SMURF2: variants seen among roughly 807,000 people sequenced by gnomAD.
SMURF2 encodes SMAD specific E3 ubiquitin protein ligase 2, also known as E3 ubiquitin-protein ligase SMURF2.
Under a neutral mutation model 109.6 loss-of-function variants are expected in SMURF2, and 48 were observed. The observed-to-expected ratio is 0.44, with a 90% CI of 0.35 to 0.56. SMURF2 has a LOEUF of 0.56. Ranked by LOEUF, SMURF2 falls within the 20% of genes least tolerant of loss-of-function variation. The pLI is 0.01. For synonymous variants in SMURF2, 288 were observed against 317.1 expected (o/e 0.91, Z 0.97); for missense variants, 575 against 909.0 (o/e 0.63, Z 4.72).
At position 64,542,967 on chromosome 17, in the gene SMURF2, T is replaced by C. The variant is rs1555682742; in HGVS notation, c.*2881A>G. 6.6e-6 allele frequency: 1 copy of C among 152,136 alleles called. No individual in the cohort carries two copies. The highest frequency in any genetic ancestry group is 2.4e-5 in the African/African-American group (1 of 41,424). 9.4% of individuals were successfully genotyped at this position (152,136 alleles called of 1,614,324 possible). Reference sequence around the variant, plus strand: ...ACCTCTCTGTACTGCCTATGAGCTCTACAAAGGAATCTCTGTTCATAACTA... The same window carrying C: ...ACCTCTCTGTACTGCCTATGAGCTCCACAAAGGAATCTCTGTTCATAACTA... On this transcript the variant is annotated 3_prime_UTR_variant, in exon 19 of 19. Coordinates refer to ENST00000262435, the MANE Select transcript of SMURF2 (RefSeq NM_022739.4).
At chr17:64,647,178 A>T (rs2144728906) in intron 1 of SMURF2, among the ~76,000 whole-genome samples, 1 of 152,310 alleles carries the variant, frequency 6.6e-6, no homozygotes, top group South Asian at 2.1e-4. Flanking sequence ...CTGAATGAAT[A>T]TGTAAATATG....
At chr17:64,617,647 T>G (rs553931112) in intron 1 of SMURF2, among the ~76,000 whole-genome samples, 44 of 152,132 alleles carry the variant, frequency 2.9e-4, no homozygotes, top group Admixed American at 2.1e-3. Context: ...CACCATGCCT[T>G]GCTAATGTCT....
rs1969573117 is a variant in SMURF2, at chr17:64,581,062, T to C, written c.570-71A>G. ...AAAGTAGAGTTCTCTAGACAATATA[T>C]ATATACTGCAGTAACAACCACTTAT... On this transcript the variant is annotated intron_variant, in intron 7 of 18. Coordinates refer to ENST00000262435, the MANE Select transcript of SMURF2 (RefSeq NM_022739.4). This position sits in a 1 kb window ranked among gnomAD's most constrained non-coding sequence, Gnocchi z 4.3. The C allele has an allele frequency of 2.2e-6, 3 of 1,339,744 alleles. No homozygotes were observed. The highest frequency in any genetic ancestry group is 3.2e-6 in the Non-Finnish European group (3 of 941,144). 83.0% of individuals were successfully genotyped at this position (1,339,744 alleles called of 1,614,324 possible).
chr17:64,583,491 G>A lies in SMURF2; in HGVS notation c.539C>T (p.Thr180Ile), dbSNP rs782614387. ...SGRIQYLNHI[T>I]RTTQWERPTR... The stretch of plus-strand genomic sequence containing the variant: ...TGGGCGCTCCCATTGCGTAGTTCTT[G>A]TTATATGGTTTAGATACTGGATTCT... The change falls in exon 7 of 19, where the codon ACA becomes ATA. Residue 180 changes from threonine (T) to isoleucine (I), a missense_variant. By Grantham distance (89) the Thr-to-Ile change is moderately conservative. This residue lies in a region of SMURF2 where 151 missense variants were observed against 178.4 expected (regional missense o/e 0.85). Transcript: ENST00000262435. The A allele has an allele frequency of 6.2e-7, 1 of 1,614,002 alleles. No individual in the cohort carries two copies. Among genetic ancestry groups the A allele is most frequent in the South Asian group, 1.1e-5 (1 of 91,072 alleles).
chr17:64,554,419 G>C (rs75687632), intron 15 of SMURF2, among the ~76,000 whole-genome samples: 7,499 of 152,224 alleles, frequency 0.049, 290 homozygotes, highest in Admixed American at 0.13. Context: ...AGTGGCTATG[G>C]GGGGAGGGAG....
At position 64,545,730 on chromosome 17, in the gene SMURF2, AAAAGGG is replaced by A; in HGVS notation, c.*112_*117del. ...GTCCTAAAATGTAAAAAAAAAAAAAAAAAGGGGGGGGGGGGGAGTGTTTTCCTGTAT... is the reference window on the plus strand; with the variant it reads ...GTCCTAAAATGTAAAAAAAAAAAAAAGGGGGGGGGGAGTGTTTTCCTGTAT... On this transcript the variant is annotated 3_prime_UTR_variant, in exon 19 of 19. Transcript: ENST00000262435. 3.3e-4 allele frequency: 70 copies of A among 211,916 alleles called. No homozygotes were observed. Among genetic ancestry groups the A allele is most frequent in the East Asian group, 8.1e-4 (9 of 11,064 alleles). The allele number at this position is 211,916 out of a possible 1,614,324, so 13.1% of individuals were successfully genotyped here.
Position 64,637,613 on chromosome 17 carries a change from G to C in SMURF2, c.52+24216C>G, listed in dbSNP as rs191071379. Among the ~76,000 whole-genome samples, 13 of 152,076 alleles carry C rather than the reference G, an allele frequency of 8.5e-5. No individual in the cohort carries two copies. In the East Asian group the frequency reaches 1.7e-3, roughly 20 times the overall value. Reference sequence around the variant, plus strand: ...GAGTCTCATTCTGTTGCCCAGGCTGGAGTGTAATAGTGCGATCTTGGCTCA... The same window carrying C: ...GAGTCTCATTCTGTTGCCCAGGCTGCAGTGTAATAGTGCGATCTTGGCTCA... On this transcript the variant is annotated intron_variant, in intron 1 of 18. Transcript: ENST00000262435.
chr17:64,620,770 C>T (rs1388975471), intron 1 of SMURF2, among the ~76,000 whole-genome samples: 1 of 152,198 alleles, frequency 6.6e-6, no homozygotes, highest in Non-Finnish European at 1.5e-5. Context: ...CTATAAACCT[C>T]TTCTACAGTT....
rs782202552 is a variant in SMURF2 at position 64,631,961 on chromosome 17, CGGGGGGGGGG to C, written c.53-25331_53-25322del. On this transcript the variant is annotated intron_variant, in intron 1 of 18. Coordinates refer to ENST00000262435, the MANE Select transcript of SMURF2 (RefSeq NM_022739.4). ...ATTATTCTAAGACTCTCTTTTTTTGCGGGGGGGGGGGGGGGGGGGTGGACAGAGGCACACT... is the reference window on the plus strand; with the variant it reads ...ATTATTCTAAGACTCTCTTTTTTTGCGGGGGGGGGTGGACAGAGGCACACT... Among the ~76,000 whole-genome samples, 17 of 9,956 alleles carry C rather than the reference CGGGGGGGGGG, an allele frequency of 1.7e-3. No homozygotes were observed. The South Asian group carries it at 0.067, about 39-fold the overall frequency. The allele number at this position is 9,956 out of a possible 152,430, so 6.5% of individuals were successfully genotyped here.
intron 9 of SMURF2, among the ~76,000 whole-genome samples, chr17:64,573,527 A>G (rs1598277536): frequency 1.3e-5 from 2 of 152,162 alleles, no homozygotes. Context: ...CAGAACAGCT[A>G]AAGTGTAGGA....
At chr17:64,613,707 T>TGTGA (rs1970078589) in intron 1 of SMURF2, among the ~76,000 whole-genome samples, 6 of 133,480 alleles carry the variant, frequency 4.5e-5, no homozygotes, top group African/African-American at 1.8e-4. Context: ...TGTGTGTGTG[T>TGTGA]GTGTGTGTGT....
At chr17:64,560,474 C>A (rs1187378836) in intron 12 of SMURF2, among the ~76,000 whole-genome samples, 1 of 152,112 alleles carries the variant, frequency 6.6e-6, no homozygotes, top group Admixed American at 6.5e-5. Context: ...GCTACAAATA[C>A]ACACATGTAA....
chr17:64,596,879 T>A (rs1261569259), intron 3 of SMURF2, among the ~76,000 whole-genome samples: 1 of 152,064 alleles, frequency 6.6e-6, no homozygotes, highest in African/African-American at 2.4e-5. Context: ...GATAAATAGA[T>A]AACTAAACAA....
chr17:64,650,915 A>AC (rs1343030992), intron 1 of SMURF2, among the ~76,000 whole-genome samples: 3 of 150,960 alleles, frequency 2.0e-5, no homozygotes, highest in Non-Finnish European at 4.4e-5. Flanking sequence ...GTGGTTAAAA[A>AC]AAAAAAAATC....
chr17:64,546,364 A>T, intron 17 of SMURF2, 26 bp from the exon 18 acceptor site: 1 of 1,607,046 alleles, frequency 6.2e-7, no homozygotes, highest in African/African-American at 1.3e-5. Flanking sequence ...ATGTGGATGA[A>T]ATCACTGCAG....
At position 64,583,130 on chromosome 17, in the gene SMURF2, G is replaced by A. The variant is rs560079582; in HGVS notation, c.569+331C>T. 3.9e-5 allele frequency among the ~76,000 whole-genome samples: 6 copies of A among 152,202 alleles called. No individual in the cohort carries two copies. The East Asian group carries it at 7.7e-4, about 20-fold the overall frequency. ...TGGTCTCAAACTCCTGAACTCAAGT[G>A]ATCCACATGCCTTGGCCTCCCAAAG... On this transcript the variant is annotated intron_variant, in intron 7 of 18. Transcript: ENST00000262435.
rs1412369351 is a variant in SMURF2, at chr17:64,662,200, C to A, written c.-320G>T. On this transcript the variant is annotated 5_prime_UTR_variant, in exon 1 of 19. Coordinates refer to ENST00000262435, the MANE Select transcript of SMURF2 (RefSeq NM_022739.4). Reference sequence around the variant, plus strand: ...AGGCCTTTCCCTCCTCTCGTCTCGGCGAGGCCCAGTAGCCGACGGGGCTGG... The same window carrying A: ...AGGCCTTTCCCTCCTCTCGTCTCGGAGAGGCCCAGTAGCCGACGGGGCTGG... 26 of 1,033,552 alleles carry A rather than the reference C, an allele frequency of 2.5e-5. No homozygotes were observed. In the South Asian group the frequency reaches 5.3e-4, roughly 21 times the overall value. 64.0% of individuals were successfully genotyped at this position (1,033,552 alleles called of 1,614,324 possible). A position where few individuals can be genotyped will look rare whatever the true frequency, so the allele number is the denominator to read the frequency against.
chr17:64,659,223 C>T (rs1425973897), intron 1 of SMURF2, among the ~76,000 whole-genome samples: 2 of 152,038 alleles, frequency 1.3e-5, no homozygotes, highest in African/African-American at 2.4e-5. Flanking sequence ...AGCAAAGGGG[C>T]AATTCCACAA....
At chr17:64,570,765 C>T (rs528000994) in intron 10 of SMURF2, among the ~76,000 whole-genome samples, 64 of 152,174 alleles carry the variant, frequency 4.2e-4, no homozygotes, top group Admixed American at 4.1e-3. Context: ...GATGAAATTA[C>T]GAACTTGGGG....
Sources: gnomAD v4.1 joint callset for allele counts (sites outside exome capture counted in the v4.1 genomes callset) on GRCh38, gnomAD v4.1.1 for gene constraint, gnomAD v4.1.1 regional missense constraint, Gnocchi (gnomAD v3.1) non-coding constraint, MANE v1.5 for transcripts, NCBI Gene and HGNC (gene_info 2026-07-23, HGNC 2026-07-21) for gene names.